SNTB2: variants seen among roughly 807,000 people sequenced by gnomAD.
SNTB2 encodes the protein syntrophin beta 2.
In SNTB2, 34 loss-of-function variants were observed where a neutral mutation model predicts 46.2. The observed-to-expected ratio is 0.74, with a 90% confidence interval of 0.56 to 0.98. The LOEUF (loss-of-function observed/expected upper bound fraction) is 0.98. Ranked by LOEUF, SNTB2 falls within the 50% of genes least tolerant of loss-of-function variation. SNTB2 has a pLI of 0.00. For synonymous variants in SNTB2, 290 were observed against 312.6 expected (o/e 0.93, Z 0.76); for missense variants, 603 against 731.4 (o/e 0.82, Z 2.02).
chr16:69,215,720 C>T (rs2152292849), intron 1 of SNTB2, among the ~76,000 whole-genome samples: 1 of 152,268 alleles, frequency 6.6e-6, no homozygotes, highest in South Asian at 2.1e-4. Flanking sequence ...TCTTTAGAGT[C>T]CTGGCTTGCT....
In SNTB2 at chr16:69,297,588, C is replaced by T. The variant is rs149535135; in HGVS notation, c.1346-2002C>T. On this transcript the variant is annotated intron_variant, in intron 5 of 6. Transcript: ENST00000336278. ...AGCCAAGATCACGCCACTGCACCAGCCTGGGAGACAGAGCGAGACTCTGTC... is the reference window on the plus strand; with the variant it reads ...AGCCAAGATCACGCCACTGCACCAGTCTGGGAGACAGAGCGAGACTCTGTC... Among the ~76,000 whole-genome samples, 533 of 149,222 alleles carry T rather than the reference C, an allele frequency of 3.6e-3. 1 individual carries two copies. The highest frequency in any genetic ancestry group is 5.2e-3 in the Non-Finnish European group (349 of 67,376).
intron 1 of SNTB2, among the ~76,000 whole-genome samples, chr16:69,236,051 T>C (rs1420831470): frequency 6.6e-6 from 1 of 152,186 alleles, no homozygotes; most frequent in Non-Finnish European, 1.5e-5. Flanking sequence ...AGGGAATCAA[T>C]ATAAATAAGG....
At chr16:69,252,903 G>GTT (rs35211076) in intron 2 of SNTB2, among the ~76,000 whole-genome samples, 111 of 133,274 alleles carry the variant, frequency 8.3e-4, no homozygotes, top group Middle Eastern at 3.9e-3. Flanking sequence ...CCCTTTGTCA[G>GTT]TTTTTTTTTT....
intron 3 of SNTB2, 48 bp downstream of exon 3, chr16:69,260,308 C>G: frequency 3.9e-6 from 6 of 1,542,820 alleles, no homozygotes; most frequent in Non-Finnish European, 5.4e-6. Flanking sequence ...CATTCAGTGC[C>G]AGGATGGTTC....
rs1410515736 is a variant in SNTB2, at chr16:69,292,377, TATTATATATATATTATA to T, written c.1346-7212_1346-7196del. 5.9e-4 allele frequency among the ~76,000 whole-genome samples: 23 copies of T among 38,858 alleles called. 4 individuals are homozygous for T. Among genetic ancestry groups the T allele is most frequent in the African/African-American group, 2.5e-3 (22 of 8,914 alleles). The allele number at this position is 38,858 out of a possible 152,430, so 25.5% of individuals were successfully genotyped here. A position where few individuals can be genotyped will look rare whatever the true frequency, so the allele number is the denominator to read the frequency against. ...TTTTATATATATATATATATATATA[TATTATATATATATTATA>T]TATATATATATATTATATATATATT... On this transcript the variant is annotated intron_variant, in intron 5 of 6. Transcript: ENST00000336278.
intron 5 of SNTB2, among the ~76,000 whole-genome samples, chr16:69,294,883 A>G (rs1203774066): frequency 6.6e-6 from 1 of 151,732 alleles, no homozygotes; most frequent in Non-Finnish European, 1.5e-5. Flanking sequence ...CAGTGGTGCA[A>G]TCTCAGCTCA....
chr16:69,286,329 T>C (rs1209951156), intron 5 of SNTB2, among the ~76,000 whole-genome samples: 2 of 152,096 alleles, frequency 1.3e-5, no homozygotes, highest in East Asian at 1.9e-4. Context: ...GGCAGGAGGA[T>C]TGCTTGAGGC....
intron 1 of SNTB2, among the ~76,000 whole-genome samples, chr16:69,211,733 T>C (rs189716758): frequency 5.3e-5 from 8 of 152,316 alleles, no homozygotes; most frequent in African/African-American, 1.4e-4. Context: ...TGTTATTACC[T>C]GAGGGTGGGA....
chr16:69,224,168 C>T (rs1466163078), intron 1 of SNTB2, among the ~76,000 whole-genome samples: 1 of 150,768 alleles, frequency 6.6e-6, no homozygotes, highest in East Asian at 1.9e-4. Context: ...ACCTTGATTA[C>T]TGTCATGTTT....
At chr16:69,256,147 C>T (rs1964773935) in intron 2 of SNTB2, among the ~76,000 whole-genome samples, 1 of 151,850 alleles carries the variant, frequency 6.6e-6, no homozygotes, top group Non-Finnish European at 1.5e-5. Flanking sequence ...GATCGGGCCA[C>T]TGCACTCCAG....
chr16:69,279,515 C>CATTTTTTTTTTTTTTTTTTTT (rs1965016654), intron 4 of SNTB2, among the ~76,000 whole-genome samples: 1 of 71,734 alleles, frequency 1.4e-5, no homozygotes, highest in Non-Finnish European at 2.6e-5. Flanking sequence ...GTCCTTTGCC[C>CATTTTTTTTTTTTTTTTTTTT]TTTTTTTTTT....
chr16:69,272,374 C>A (rs1964945636), intron 4 of SNTB2, among the ~76,000 whole-genome samples: 1 of 151,432 alleles, frequency 6.6e-6, no homozygotes. Flanking sequence ...AATCCCATCT[C>A]TACTAAAAAT....
intron 3 of SNTB2, among the ~76,000 whole-genome samples, chr16:69,261,362 A>C (rs1411230221): frequency 6.6e-6 from 1 of 150,906 alleles, no homozygotes; most frequent in East Asian, 1.9e-4. Context: ...TATTGTCCCC[A>C]AAGCAGTTCT....
chr16:69,237,696 C>T (rs9934634), intron 1 of SNTB2, among the ~76,000 whole-genome samples: 7,690 of 150,926 alleles, frequency 0.051, 365 homozygotes, highest in African/African-American at 0.12. Flanking sequence ...TCCGCCTCCC[C>T]GGTTCAAGTG....
intron 3 of SNTB2, among the ~76,000 whole-genome samples, chr16:69,268,588 G>GGC (rs945392033): frequency 2.6e-5 from 4 of 152,212 alleles, no homozygotes; most frequent in Non-Finnish European, 5.9e-5. Flanking sequence ...AGTGAGGCCA[G>GGC]GCGCGTTGGC....
At chr16:69,209,157 A>G (rs958523382) in intron 1 of SNTB2, among the ~76,000 whole-genome samples, 2 of 152,130 alleles carry the variant, frequency 1.3e-5, no homozygotes, top group Non-Finnish European at 2.9e-5. Flanking sequence ...TATTTTTAGT[A>G]GAGACGGGTT....
chr16:69,280,533 C>T lies in SNTB2; in HGVS notation c.1149-3515C>T, dbSNP rs576441773. Among the ~76,000 whole-genome samples, 473 of 138,994 alleles carry T rather than the reference C, an allele frequency of 3.4e-3. 1 individual carries two copies. The highest frequency in any genetic ancestry group is 0.014 in the African/African-American group (438 of 30,570). 91.2% of individuals were successfully genotyped at this position (138,994 alleles called of 152,430 possible). A position where few individuals can be genotyped will look rare whatever the true frequency, so the allele number is the denominator to read the frequency against. ...CTCCCGGATGGGGCGGCTGGCCGGG[C>T]GGGGGGCTCACACCCCCACCTCCCT... On this transcript the variant is annotated intron_variant, in intron 4 of 6. Coordinates refer to ENST00000336278, the MANE Select transcript of SNTB2 (RefSeq NM_006750.4).
chr16:69,299,687 C>T lies in SNTB2; in HGVS notation c.1443C>T (p.Tyr481=). Residue 481 remains tyrosine (Y), a synonymous_variant, in exon 6 of 7, where the codon TAC becomes TAT. Transcript: ENST00000336278. ...ATGGAGGCTCCAGCAGCATATTGTA[C>T]CGCTACCCCTTTGAAAGGCTGAAGA... is the stretch of plus-strand genomic sequence containing the variant. The part of the protein sequence containing the change: ...RENGGSSSIL[Y]RYPFERLKMS... 1 of 1,614,128 alleles carries T rather than the reference C, an allele frequency of 6.2e-7. No individual in the cohort carries two copies. Among genetic ancestry groups the T allele is most frequent in the Non-Finnish European group, 8.5e-7 (1 of 1,180,010 alleles).
At chr16:69,200,929 TAATGGC>T (rs1964154820) in intron 1 of SNTB2, among the ~76,000 whole-genome samples, 1 of 152,202 alleles carries the variant, frequency 6.6e-6, no homozygotes, top group African/African-American at 2.4e-5. Flanking sequence ...TCTTGTGGGG[TAATGGC>T]AGAAGACTGC....
Sources: allele counts gnomAD v4.1 joint callset (sites outside exome capture counted in the v4.1 genomes callset), GRCh38; gene constraint gnomAD v4.1.1; transcripts MANE v1.5; gene names NCBI Gene and HGNC (gene_info 2026-07-23, HGNC 2026-07-21).